Variants in DENND1B observed in about 807,000 individuals in gnomAD.
DENND1B encodes DENN domain-containing protein 1B.
DENND1B carries 59 observed loss-of-function variants against 90.1 expected under a neutral mutation model. The ratio of observed to expected loss-of-function variants is 0.65; its 90% confidence interval spans 0.53 to 0.81. The LOEUF (loss-of-function observed/expected upper bound fraction) is 0.81. DENND1B is among the 40% of genes least tolerant of loss of function. The probability of loss-of-function intolerance (pLI) is 0.00; values close to 1 mark genes in which losing one functional copy is unlikely to be tolerated. For synonymous variants in DENND1B, 337 were observed against 324.6 expected (o/e 1.04, Z -0.41); for missense variants, 862 against 912.6 (o/e 0.94, Z 0.71).
At chr1:197,603,006 A>C (rs1676344245) in intron 13 of DENND1B, among the ~76,000 whole-genome samples, 1 of 151,344 alleles carries the variant, frequency 6.6e-6, no homozygotes, top group African/African-American at 2.4e-5. Flanking sequence ...CATCATTATA[A>C]TAAGGTCTTT....
upstream of DENND1B, among the ~76,000 whole-genome samples, chr1:197,775,979 C>A (rs1657247683): frequency 6.6e-6 from 1 of 152,204 alleles, no homozygotes; most frequent in Admixed American, 6.5e-5. Context: ...ACATGTGCAC[C>A]TGCTAAATAG....
intron 14 of DENND1B, among the ~76,000 whole-genome samples, chr1:197,586,377 AT>A (rs1674696689): frequency 6.6e-6 from 1 of 152,172 alleles, no homozygotes; most frequent in Non-Finnish European, 1.5e-5. Context: ...TGCTTTTTAA[AT>A]AAATGTATAT....
At chr1:197,644,283 C>T (rs1480115052) in intron 9 of DENND1B, among the ~76,000 whole-genome samples, 2 of 152,184 alleles carry the variant, frequency 1.3e-5, no homozygotes, top group Non-Finnish European at 1.5e-5. Flanking sequence ...TTTCCCTAAA[C>T]AGGACTTTCT....
chr1:197,587,512 C>G (rs1266606034), intron 14 of DENND1B, among the ~76,000 whole-genome samples: 2 of 152,152 alleles, frequency 1.3e-5, no homozygotes, highest in Non-Finnish European at 2.9e-5. Context: ...GTTTATATTA[C>G]AGAGAAGAGA....
chr1:197,544,823 G>A (rs1454514018), intron 18 of DENND1B, among the ~76,000 whole-genome samples: 1 of 148,546 alleles, frequency 6.7e-6, no homozygotes, highest in Non-Finnish European at 1.5e-5. Flanking sequence ...GGAAGAGGAG[G>A]AAGAAGAGGA....
chr1:197,666,146 T>C (rs1026404137), intron 5 of DENND1B, among the ~76,000 whole-genome samples: 2 of 152,148 alleles, frequency 1.3e-5, no homozygotes, highest in African/African-American at 4.8e-5. Context: ...TATTTTTGTG[T>C]GAAATCTCAA....
At chr1:197,613,709 A>G (rs1188966220) in intron 11 of DENND1B, among the ~76,000 whole-genome samples, 2 of 40,608 alleles carry the variant, frequency 4.9e-5, no homozygotes, top group Non-Finnish European at 1.0e-4. Flanking sequence ...TACCTTTAAC[A>G]AAATGAAGTT....
chr1:197,634,285 C>A (rs1679583263), intron 10 of DENND1B, among the ~76,000 whole-genome samples: 1 of 152,154 alleles, frequency 6.6e-6, no homozygotes, highest in Non-Finnish European at 1.5e-5. Flanking sequence ...TTATATTAAA[C>A]TTTCCTTGTT....
intron 15 of DENND1B, among the ~76,000 whole-genome samples, chr1:197,573,921 G>A (rs1333457985): frequency 7.9e-5 from 12 of 151,790 alleles, no homozygotes; most frequent in Admixed American, 5.9e-4. Flanking sequence ...CTAAAAACTC[G>A]CAATAAGGTA....
At chr1:197,781,720 A>G in the DENND1B span, among the ~76,000 whole-genome samples, 1 of 152,190 alleles carries the variant, frequency 6.6e-6, no homozygotes, top group Non-Finnish European at 1.5e-5. Flanking sequence ...TTAGCATTCT[A>G]TGTTGATTTA....
At chr1:197,530,445 C>T (rs567711646) in intron 20 of DENND1B, among the ~76,000 whole-genome samples, 80 of 152,256 alleles carry the variant, frequency 5.3e-4, no homozygotes, top group African/African-American at 1.8e-3. Flanking sequence ...GAAGACTATA[C>T]TCAATTTTAC....
chr1:197,541,295 A>G (rs886564475), intron 18 of DENND1B, among the ~76,000 whole-genome samples: 3 of 152,196 alleles, frequency 2.0e-5, no homozygotes, highest in Non-Finnish European at 2.9e-5. Context: ...AAAGAACACA[A>G]AAGGAATAAA....
chr1:197,574,540 C>T (rs535105175), intron 15 of DENND1B, among the ~76,000 whole-genome samples: 2 of 152,182 alleles, frequency 1.3e-5, no homozygotes, highest in East Asian at 1.9e-4. Flanking sequence ...AGATTCAATG[C>T]CATCCCCATG....
intron 2 of DENND1B, among the ~76,000 whole-genome samples, chr1:197,754,073 A>T (rs1050430052): frequency 4.6e-5 from 7 of 151,630 alleles, no homozygotes; most frequent in African/African-American, 1.7e-4. Context: ...TTAAAAGACT[A>T]AAAAAAACCT....
intron 13 of DENND1B, among the ~76,000 whole-genome samples, chr1:197,596,175 A>G (rs1675669288): frequency 6.6e-6 from 1 of 152,106 alleles, no homozygotes; most frequent in African/African-American, 2.4e-5. Flanking sequence ...CATAATTTTA[A>G]AAGATATTTA....
chr1:197,536,127 AGAGAGAGAGATT>A (rs1320320703), intron 20 of DENND1B, among the ~76,000 whole-genome samples: 2,888 of 139,246 alleles, frequency 0.021, 120 homozygotes, highest in African/African-American at 0.074. Context: ...GGAGAGAGGG[AGAGAGAGAGATT>A]GAGAGAGAGA....
chr1:197,550,226 T>C (rs991761800), intron 16 of DENND1B, among the ~76,000 whole-genome samples: 2 of 152,154 alleles, frequency 1.3e-5, no homozygotes, highest in African/African-American at 2.4e-5. Flanking sequence ...TTTGCTTTGA[T>C]TCAATCAGAG....
intron 20 of DENND1B, among the ~76,000 whole-genome samples, chr1:197,516,190 T>G (rs1668387496): frequency 6.6e-6 from 1 of 151,850 alleles, no homozygotes; most frequent in South Asian, 2.1e-4. Context: ...ATATGTTGTT[T>G]TCCTTTCCTT....
At chr1:197,752,730 TG>T (rs890717507) in intron 2 of DENND1B, among the ~76,000 whole-genome samples, 1 of 151,904 alleles carries the variant, frequency 6.6e-6, no homozygotes, top group African/African-American at 2.4e-5. Flanking sequence ...GCCATATTGG[TG>T]TGCTGCACCC....
Sources: gnomAD v4.1 joint callset for allele counts (sites outside exome capture counted in the v4.1 genomes callset) on GRCh38, gnomAD v4.1.1 for gene constraint, MANE v1.5 for transcripts, NCBI Gene and HGNC (gene_info 2026-07-23, HGNC 2026-07-21) for gene names.